ZNF503: variants seen among roughly 807,000 people sequenced by gnomAD.
ZNF503 encodes the protein zinc finger protein 503.
A neutral mutation model predicts 34.4 loss-of-function variants in ZNF503; 15 were observed. The observed-to-expected ratio is 0.44, with a 90% confidence interval of 0.29 to 0.67. The LOEUF is 0.67. ZNF503 is among the 30% of genes least tolerant of loss of function. The pLI is 0.13. For synonymous variants in ZNF503, 580 were observed against 456.8 expected (o/e 1.27, Z -3.44); for missense variants, 1,007 against 926.8 (o/e 1.09, Z -1.12).
chr10:75,347,557 A>C, the ZNF503 span, among the ~76,000 whole-genome samples: 1 of 152,190 alleles, frequency 6.6e-6, no homozygotes, highest in Non-Finnish European at 1.5e-5. Flanking sequence ...GCTGTCCTTA[A>C]CTCAGGCCTC....
chr10:75,320,564 T>C, the ZNF503 span, among the ~76,000 whole-genome samples: 28 of 152,264 alleles, frequency 1.8e-4, no homozygotes, highest in Middle Eastern at 3.4e-3. Context: ...ATGCCTGTAA[T>C]CCTAGCACTT....
chr10:75,374,615 A>G, the ZNF503 span, among the ~76,000 whole-genome samples: 1 of 152,122 alleles, frequency 6.6e-6, no homozygotes, highest in African/African-American at 2.4e-5. Context: ...AGCCCTGCCT[A>G]TCCCAACTCT....
the ZNF503 span, among the ~76,000 whole-genome samples, chr10:75,286,154 G>A: frequency 2.6e-5 from 4 of 151,920 alleles, no homozygotes; most frequent in Admixed American, 2.6e-4. Context: ...CTGGTGGCAC[G>A]CGCCTGTAGT....
chr10:75,356,861 G>C, the ZNF503 span, among the ~76,000 whole-genome samples: 1 of 152,332 alleles, frequency 6.6e-6, no homozygotes, highest in Non-Finnish European at 1.5e-5. Flanking sequence ...CCGGGAGGCT[G>C]CTGTTGAATG....
chr10:75,355,620 A>C, the ZNF503 span, among the ~76,000 whole-genome samples: 1 of 152,154 alleles, frequency 6.6e-6, no homozygotes, highest in Non-Finnish European at 1.5e-5. Context: ...GTGCTTGGGA[A>C]TTTCTTCAGT....
chr10:75,346,615 A>AT, the ZNF503 span, among the ~76,000 whole-genome samples: 7 of 150,642 alleles, frequency 4.6e-5, no homozygotes, highest in East Asian at 2.0e-4. Context: ...AACTTTTTGT[A>AT]TTTTTTTGTA....
the ZNF503 span, among the ~76,000 whole-genome samples, chr10:75,351,704 T>C: frequency 6.6e-6 from 1 of 152,170 alleles, no homozygotes; most frequent in Non-Finnish European, 1.5e-5. Context: ...TCTTACTCTT[T>C]ATTCCTCATC....
the ZNF503 span, among the ~76,000 whole-genome samples, chr10:75,387,820 G>T: frequency 6.6e-6 from 1 of 152,196 alleles, no homozygotes; most frequent in Non-Finnish European, 1.5e-5. Context: ...TATCTGGCTG[G>T]CAGGAGCCTA....
At chr10:75,286,933 T>C in the ZNF503 span, among the ~76,000 whole-genome samples, 9,361 of 152,278 alleles carry the variant, frequency 0.061, 459 homozygotes, top group East Asian at 0.24. Flanking sequence ...CAAATCTTTT[T>C]GTGTTCCTTA....
At chr10:75,316,263 G>A in the ZNF503 span, among the ~76,000 whole-genome samples, 1 of 151,974 alleles carries the variant, frequency 6.6e-6, no homozygotes, top group East Asian at 1.9e-4. Flanking sequence ...AACAGTAGCA[G>A]CATACACATT....
chr10:75,333,082 G>T, the ZNF503 span, among the ~76,000 whole-genome samples: 1 of 145,766 alleles, frequency 6.9e-6, no homozygotes, highest in Non-Finnish European at 1.5e-5. Context: ...CCTCCCAGAC[G>T]GGGCGGCTGG....
chr10:75,317,462 C>T, the ZNF503 span, among the ~76,000 whole-genome samples: 97 of 147,134 alleles, frequency 6.6e-4, no homozygotes, highest in African/African-American at 2.1e-3. Context: ...TTTTTTTGTA[C>T]TTTTAGAAGA....
chr10:75,307,423 G>T, the ZNF503 span, among the ~76,000 whole-genome samples: 1 of 152,350 alleles, frequency 6.6e-6, no homozygotes, highest in East Asian at 1.9e-4. Flanking sequence ...CAGAAGAAAA[G>T]TTGGAAGCCA....
chr10:75,324,653 C>G, the ZNF503 span, among the ~76,000 whole-genome samples: 1 of 152,140 alleles, frequency 6.6e-6, no homozygotes, highest in Admixed American at 6.5e-5. Flanking sequence ...TTAATTATAT[C>G]TGTATATATA....
chr10:75,325,885 G>A, the ZNF503 span, among the ~76,000 whole-genome samples: 1 of 150,182 alleles, frequency 6.7e-6, no homozygotes, highest in Non-Finnish European at 1.5e-5. Flanking sequence ...TTGAGATAGG[G>A]TCTCACTCTG....
the ZNF503 span, among the ~76,000 whole-genome samples, chr10:75,363,127 A>G: frequency 2.6e-5 from 4 of 151,948 alleles, no homozygotes; most frequent in African/African-American, 7.3e-5. Context: ...CTCTTAAGGA[A>G]TTGCTTTGCC....
chr10:75,394,988 G>A (rs1294461833), downstream of ZNF503, among the ~76,000 whole-genome samples: 1 of 152,238 alleles, frequency 6.6e-6, no homozygotes, highest in Non-Finnish European at 1.5e-5. Context: ...TGGGGGAAAG[G>A]CCTGGGCCTT....
chr10:75,290,583 T>G, the ZNF503 span, among the ~76,000 whole-genome samples: 3 of 152,190 alleles, frequency 2.0e-5, no homozygotes, highest in African/African-American at 7.2e-5. Flanking sequence ...GGAATTAGCC[T>G]CCTTCTCTTC....
At chr10:75,339,255 A>G in the ZNF503 span, among the ~76,000 whole-genome samples, 1 of 152,322 alleles carries the variant, frequency 6.6e-6, no homozygotes, top group African/African-American at 2.4e-5. Flanking sequence ...AGTTGTTGAA[A>G]TATCTCCTCC....
Sources: gnomAD v4.1 joint callset for allele counts (sites outside exome capture counted in the v4.1 genomes callset) on GRCh38, gnomAD v4.1.1 for gene constraint, MANE v1.5 for transcripts, NCBI Gene and HGNC (gene_info 2026-07-23, HGNC 2026-07-21) for gene names.